NKAIN1: variants seen among roughly 807,000 people sequenced by gnomAD.
The protein encoded by NKAIN1 is sodium/potassium-transporting ATPase subunit beta-1-interacting protein 1.
Under a neutral mutation model 31.6 loss-of-function variants are expected in NKAIN1, and 13 were observed. The ratio of observed to expected loss-of-function variants is 0.41; its 90% CI spans 0.27 to 0.65. The LOEUF is 0.65. NKAIN1 is among the 30% of genes least tolerant of loss of function. NKAIN1 has a pLI of 0.30. For synonymous variants in NKAIN1, 104 were observed against 109.0 expected (o/e 0.95, Z 0.28); for missense variants, 193 against 262.2 (o/e 0.74, Z 1.82).
chr1:31,231,735 T>G (rs1277961474), intron 1 of NKAIN1, among the ~76,000 whole-genome samples: 1 of 150,676 alleles, frequency 6.6e-6, no homozygotes, highest in East Asian at 2.0e-4. Flanking sequence ...TTTCACAGTG[T>G]TAGCCAGGAT....
intron 4 of NKAIN1, 22 bp from the exon 5 acceptor site, chr1:31,182,612 C>T (rs1395461816): frequency 1.9e-6 from 3 of 1,613,984 alleles, no homozygotes; most frequent in Non-Finnish European, 2.5e-6. Flanking sequence ...GATGACACGT[C>T]AGGGAGGAAG....
chr1:31,217,450 G>T (rs1210116495), intron 1 of NKAIN1, among the ~76,000 whole-genome samples: 1 of 152,144 alleles, frequency 6.6e-6, no homozygotes, highest in Non-Finnish European at 1.5e-5. Flanking sequence ...ACTGGTGTGA[G>T]CCACCATGCC....
At chr1:31,190,048 A>AT (rs1278013525) in intron 1 of NKAIN1, among the ~76,000 whole-genome samples, 1 of 152,168 alleles carries the variant, frequency 6.6e-6, no homozygotes, top group African/African-American at 2.4e-5. Context: ...TGTCCTGCTG[A>AT]TTTTTGTCAT....
At chr1:31,196,523 A>AAAAAG in intron 1 of NKAIN1, among the ~76,000 whole-genome samples, 1 of 149,318 alleles carries the variant, frequency 6.7e-6, no homozygotes, top group Non-Finnish European at 1.5e-5. Context: ...AAAAAAAAAA[A>AAAAAG]AAAAAATAGA....
chr1:31,201,975 C>T (rs767882382), intron 1 of NKAIN1, among the ~76,000 whole-genome samples: 1 of 152,198 alleles, frequency 6.6e-6, no homozygotes, highest in Admixed American at 6.5e-5. Context: ...CCTCCTGCTG[C>T]GGCCCAGCCC....
intron 5 of NKAIN1, among the ~76,000 whole-genome samples, chr1:31,182,312 A>G (rs2124160450): frequency 6.6e-6 from 1 of 151,906 alleles, no homozygotes; most frequent in Non-Finnish European, 1.5e-5. Context: ...GATTGGGGAA[A>G]GGGGGTGCTG....
chr1:31,223,225 A>C (rs1645577155), intron 1 of NKAIN1, among the ~76,000 whole-genome samples: 3 of 151,812 alleles, frequency 2.0e-5, no homozygotes, highest in Admixed American at 6.6e-5. Flanking sequence ...AAAATACAAA[A>C]ATTAGCTGGG....
chr1:31,184,095 T>C, intron 3 of NKAIN1, 81 bp from the exon 4 acceptor site: 1 of 1,305,062 alleles, frequency 7.7e-7, no homozygotes, highest in South Asian at 1.4e-5. Flanking sequence ...AAGACTATAT[T>C]GATCGGTGAA....
intron 1 of NKAIN1, among the ~76,000 whole-genome samples, chr1:31,213,388 A>G (rs963479284): frequency 2.6e-5 from 4 of 152,082 alleles, no homozygotes; most frequent in South Asian, 2.1e-4. Context: ...GACATACTTC[A>G]CACCCACTAG....
chr1:31,214,018 AT>A (rs1645491279), intron 1 of NKAIN1, among the ~76,000 whole-genome samples: 1 of 19,796 alleles, frequency 5.1e-5, no homozygotes, highest in Admixed American at 4.2e-4. Flanking sequence ...ATAAAAATTA[AT>A]TAATTAATTA....
chr1:31,198,777 G>T (rs1188876356), intron 1 of NKAIN1, among the ~76,000 whole-genome samples: 1 of 139,612 alleles, frequency 7.2e-6, no homozygotes, highest in Non-Finnish European at 1.5e-5. Flanking sequence ...GGGGGATGCC[G>T]TTGCCATAGG....
At position 31,226,312 on chromosome 1, in the gene NKAIN1, CA is replaced by C. The variant is rs10671984; in HGVS notation, c.54+13181del. Among the ~76,000 whole-genome samples the C allele has an allele frequency of 4.1e-3, 598 of 144,876 alleles. 6 individuals carry two copies. Among genetic ancestry groups the C allele is most frequent in the Middle Eastern group, 0.018 (5 of 272 alleles). ...TGTGCTGAATTACAGAGAAATGCAG[CA>C]AAAAAAAAAAAATCCTGTAAAAACA... On this transcript the variant is annotated intron_variant, in intron 1 of 6. Coordinates refer to ENST00000373736, the MANE Select transcript of NKAIN1 (RefSeq NM_024522.3).
chr1:31,213,428 A>G (rs1014399819), intron 1 of NKAIN1, among the ~76,000 whole-genome samples: 1 of 81,660 alleles, frequency 1.2e-5, no homozygotes, highest in African/African-American at 3.5e-5. Flanking sequence ...GCAGATAATA[A>G]CAAGTGTTGA....
rs143835259 is a variant in NKAIN1 at position 31,235,589 on chromosome 1, T to C, written c.54+3905A>G. Among the ~76,000 whole-genome samples, 21 of 152,074 alleles carry C rather than the reference T, an allele frequency of 1.4e-4. No individual in the cohort carries two copies. The East Asian group carries it at 2.7e-3, about 20-fold the overall frequency. On this transcript the variant is annotated intron_variant, in intron 1 of 6. Transcript: ENST00000373736. ...AATTTGAGGCTGCAGTGGGTTATGA[T>C]TGCCACTGCACTCCAGCCTGGGCAA...
chr1:31,206,744 A>G lies in NKAIN1; in HGVS notation c.55-18557T>C, dbSNP rs188426442. On this transcript the variant is annotated intron_variant, in intron 1 of 6. Coordinates refer to ENST00000373736, the MANE Select transcript of NKAIN1 (RefSeq NM_024522.3). ...GAGCCACTGCACCTGGCCTATTTTAATTTTTCTGACACAGGGTTTCACTCT... is the reference window on the plus strand; with the variant it reads ...GAGCCACTGCACCTGGCCTATTTTAGTTTTTCTGACACAGGGTTTCACTCT... 2.0e-5 allele frequency among the ~76,000 whole-genome samples: 3 copies of G among 150,548 alleles called. No individual in the cohort carries two copies. In the East Asian group the frequency reaches 5.9e-4, roughly 30 times the overall value.
At chr1:31,211,147 T>A (rs1645465867) in intron 1 of NKAIN1, among the ~76,000 whole-genome samples, 1 of 151,950 alleles carries the variant, frequency 6.6e-6, no homozygotes, top group Non-Finnish European at 1.5e-5. Context: ...GTGCTGGAGG[T>A]TCTAGCCAGG....
Position 31,183,997 on chromosome 1 carries a change from C to T in NKAIN1, c.291G>A (p.Met97Ile). The change falls in exon 4 of 7, where the codon ATG (methionine) becomes ATA (isoleucine). Residue 97 changes from methionine to isoleucine, a missense_variant. By Grantham distance (10) the Met-to-Ile change is conservative. Coordinates refer to ENST00000373736, the MANE Select transcript of NKAIN1 (RefSeq NM_024522.3). ...AGCGGTGCAGGGATGTGTTGAAGGT[C>T]ATGATGAAGTCCCGGTCCTGGGGGC... Reference protein sequence around the residue: ...GQLSQDRDFIMTFNTSLHRSW... With the variant: ...GQLSQDRDFIITFNTSLHRSW... The T allele has an allele frequency of 1.2e-6, 2 of 1,613,576 alleles. No individual in the cohort carries two copies. The highest frequency in any genetic ancestry group is 1.7e-6 in the Non-Finnish European group (2 of 1,179,830).
intron 4 of NKAIN1, among the ~76,000 whole-genome samples, chr1:31,183,436 C>CT (rs3046278): frequency 0.012 from 1,288 of 106,402 alleles, 77 homozygotes; most frequent in African/African-American, 0.036. Flanking sequence ...TTCATTCCCT[C>CT]TTTTTTTTTT....
intron 1 of NKAIN1, among the ~76,000 whole-genome samples, chr1:31,226,791 T>C (rs1274994244): frequency 6.6e-6 from 1 of 151,908 alleles, no homozygotes; most frequent in Non-Finnish European, 1.5e-5. Flanking sequence ...CCCAAAGTGC[T>C]GGGATTACAG....
Sources: allele counts gnomAD v4.1 joint callset (sites outside exome capture counted in the v4.1 genomes callset), GRCh38; gene constraint gnomAD v4.1.1; transcripts MANE v1.5; gene names NCBI Gene and HGNC (gene_info 2026-07-23, HGNC 2026-07-21).